TDRD1: variants seen among roughly 807,000 people sequenced by gnomAD.
The protein encoded by TDRD1 is tudor domain-containing protein 1.
Under a neutral mutation model 140.6 loss-of-function variants are expected in TDRD1, and 37 were observed. That is an observed-to-expected ratio of 0.26 (90% CI 0.20 to 0.35). TDRD1 has a LOEUF of 0.35. Ranked by LOEUF, TDRD1 falls within the 10% of genes least tolerant of loss-of-function variation. The pLI is 1.00. For missense variants in TDRD1, 1,243 were observed against 1,393.0 expected (o/e 0.89, Z 1.71); for synonymous variants, 506 against 475.7 (o/e 1.06, Z -0.83).
chr10:114,216,902 A>G (rs976137216), intron 16 of TDRD1, among the ~76,000 whole-genome samples: 6 of 152,170 alleles, frequency 3.9e-5, no homozygotes, highest in South Asian at 2.1e-4. Context: ...TTTTACTACT[A>G]CTAAGTGGTT....
chr10:114,229,649 C>T (rs529567398), intron 25 of TDRD1, among the ~76,000 whole-genome samples: 4 of 147,886 alleles, frequency 2.7e-5, no homozygotes, highest in East Asian at 2.0e-4. Flanking sequence ...CCCAGGTTCA[C>T]GCAATTCTCC....
exon 2 of TDRD1, chr10:114,188,126 T>G: frequency 1.3e-6 from 2 of 1,589,526 alleles, no homozygotes; most frequent in Non-Finnish European, 1.7e-6. Flanking sequence ...AGTAGTTGGC[T>G]CCAAAGGAGA....
intron 1 of TDRD1, among the ~76,000 whole-genome samples, chr10:114,186,725 G>C (rs2033562179): frequency 6.6e-6 from 1 of 152,182 alleles, no homozygotes; most frequent in Non-Finnish European, 1.5e-5. Context: ...CAGTCATTCT[G>C]TTAGGGGTCT....
At chr10:114,228,325 T>C in intron 25 of TDRD1, 1 of 1,351,338 alleles carries the variant, frequency 7.4e-7, no homozygotes. Context: ...CTACTGCTAA[T>C]GGAACTGAAC....
intron 11 of TDRD1, among the ~76,000 whole-genome samples, chr10:114,208,081 T>G (rs2035244743): frequency 6.6e-6 from 1 of 152,028 alleles, no homozygotes; most frequent in Admixed American, 6.6e-5. Flanking sequence ...GAACATGTGT[T>G]AAGGCCTAGA....
chr10:114,182,636 T>C (rs2119972424), intron 1 of TDRD1, among the ~76,000 whole-genome samples: 1 of 152,234 alleles, frequency 6.6e-6, no homozygotes, highest in East Asian at 1.9e-4. Context: ...CTGTCCAGGT[T>C]GGCATGAAAG....
At chr10:114,177,301 A>G (rs911820776), upstream of TDRD1, among the ~76,000 whole-genome samples, 3 of 152,222 alleles carry the variant, frequency 2.0e-5, no homozygotes, top group African/African-American at 4.8e-5. Flanking sequence ...AAAAAAAAGA[A>G]TATAGTAGAA....
At position 114,213,604 on chromosome 10, in the gene TDRD1, A is replaced by G; in HGVS notation, c.2074+16A>G. ...GAAACCAGTGGTAAGTCAAATGTTT[A>G]CTGGATAATGCCTGTTCTGGAGTTC... On this transcript the variant is annotated intron_variant, in intron 15 of 25. Transcript: ENST00000251864. 1 of 1,610,830 alleles carries G rather than the reference A, an allele frequency of 6.2e-7. No individual in the cohort carries two copies. The highest frequency in any genetic ancestry group is 2.2e-5 in the East Asian group (1 of 44,838).
Position 114,214,737 on chromosome 10 carries a change from C to CT in TDRD1, c.2212+637dup, listed in dbSNP as rs771454910. Among the ~76,000 whole-genome samples the CT allele has an allele frequency of 7.8e-3, 1,115 of 143,468 alleles. 7 individuals carry two copies. The highest frequency in any genetic ancestry group is 8.5e-3 in the Non-Finnish European group (554 of 65,114). 94.1% of individuals were successfully genotyped at this position (143,468 alleles called of 152,430 possible). ...TCCCATCATTACCTCTTCTTTCTTT[C>CT]TTTTTTTTTTTTTTCATTGAGATGG... On this transcript the variant is annotated intron_variant, in intron 16 of 25. Coordinates refer to ENST00000251864, the Ensembl canonical transcript of TDRD1.
chr10:114,191,911 T>G lies in TDRD1; in HGVS notation c.384+892T>G, dbSNP rs184028126. On this transcript the variant is annotated intron_variant, in intron 3 of 25. Coordinates refer to ENST00000251864, the Ensembl canonical transcript of TDRD1. Reference sequence around the variant, plus strand: ...GTAGGTATTTTTATTCTACCCATTTTCATCACAGATGTGTAGTACTATCTC... The same window carrying G: ...GTAGGTATTTTTATTCTACCCATTTGCATCACAGATGTGTAGTACTATCTC... Among the ~76,000 whole-genome samples, 232 of 152,354 alleles carry G rather than the reference T, an allele frequency of 1.5e-3. 1 individual carries two copies. Among genetic ancestry groups the G allele is most frequent in the Non-Finnish European group, 2.5e-3 (172 of 68,028 alleles).
intron 1 of TDRD1, among the ~76,000 whole-genome samples, chr10:114,180,993 A>C (rs1177387764): frequency 1.3e-5 from 2 of 152,202 alleles, no homozygotes; most frequent in African/African-American, 4.8e-5. Context: ...GGGAGAACCG[A>C]TAGGATTCCA....
At chr10:114,187,474 T>C (rs1017486093) in intron 1 of TDRD1, among the ~76,000 whole-genome samples, 2 of 152,208 alleles carry the variant, frequency 1.3e-5, no homozygotes, top group African/African-American at 2.4e-5. Context: ...TTCCGTTGCA[T>C]TTTGCCATTA....
exon 22 of TDRD1, chr10:114,226,052 A>G (rs2133200967): frequency 6.2e-7 from 1 of 1,613,780 alleles, no homozygotes; most frequent in Non-Finnish European, 8.5e-7. Context: ...TTTTCAGGTG[A>G]TGATTTTTGG....
chr10:114,200,847 C>CTTTTTT (rs33964094), intron 4 of TDRD1, among the ~76,000 whole-genome samples: 4 of 80,406 alleles, frequency 5.0e-5, no homozygotes, highest in African/African-American at 1.1e-4. Context: ...TTGCTGCTGC[C>CTTTTTT]TTTTTTTTTT....
intron 2 of TDRD1, among the ~76,000 whole-genome samples, chr10:114,190,630 A>AGTT (rs2033895841): frequency 6.6e-6 from 1 of 152,190 alleles, no homozygotes; most frequent in Admixed American, 6.5e-5. Flanking sequence ...TGGGATTACA[A>AGTT]GAGTGCACCA....
chr10:114,212,858 C>A (rs2035573995), intron 14 of TDRD1, among the ~76,000 whole-genome samples: 1 of 152,114 alleles, frequency 6.6e-6, no homozygotes, highest in African/African-American at 2.4e-5. Context: ...AGTAAACTTA[C>A]TGAGTTGTAC....
At chr10:114,231,806 G>GA (rs2036772243) in exon 26 of TDRD1, 1 of 329,352 alleles carries the variant, frequency 3.0e-6, no homozygotes, top group African/African-American at 2.2e-5. Flanking sequence ...GGTACCGAAG[G>GA]AAGGCCAGGT....
At chr10:114,222,162 T>G (rs1305905636) in intron 20 of TDRD1, among the ~76,000 whole-genome samples, 1 of 152,194 alleles carries the variant, frequency 6.6e-6, no homozygotes, top group African/African-American at 2.4e-5. Context: ...TTCTGTGTAC[T>G]AAAAAGCAGG....
intron 20 of TDRD1, among the ~76,000 whole-genome samples, chr10:114,221,774 A>T (rs961251213): frequency 1.3e-5 from 2 of 152,238 alleles, no homozygotes; most frequent in Admixed American, 6.5e-5. Flanking sequence ...ATATTGAATC[A>T]TATTTACTGC....
Sources: gnomAD v4.1 joint callset for allele counts (sites outside exome capture counted in the v4.1 genomes callset) on GRCh38, gnomAD v4.1.1 for gene constraint, MANE v1.5 for transcripts, NCBI Gene and HGNC (gene_info 2026-07-23, HGNC 2026-07-21) for gene names.